Variants in NTNG2 observed in about 807,000 individuals in gnomAD.
The protein encoded by NTNG2 is netrin G2.
In NTNG2, 15 loss-of-function variants were observed where a neutral mutation model predicts 47.6. The observed-to-expected ratio is 0.32, with a 90% CI of 0.21 to 0.49. The LOEUF is 0.49. NTNG2 is among the 20% of genes least tolerant of loss of function. NTNG2 has a pLI of 0.99. For missense variants in NTNG2, 578 were observed against 764.6 expected (o/e 0.76, Z 2.88); for synonymous variants, 307 against 324.6 (o/e 0.95, Z 0.58).
chr9:132,167,220 C>A (rs1275190329), intron 2 of NTNG2, among the ~76,000 whole-genome samples, 176 bp downstream of exon 2: 3 of 152,196 alleles, frequency 2.0e-5, no homozygotes, highest in African/African-American at 7.2e-5. Flanking sequence ...GGAAATGTGT[C>A]AAAACAGAGG....
At chr9:132,212,443 A>T (rs1187283596) in intron 3 of NTNG2, among the ~76,000 whole-genome samples, 2 of 152,162 alleles carry the variant, frequency 1.3e-5, no homozygotes, top group Non-Finnish European at 2.9e-5. Context: ...TTAATAGAAA[A>T]GGGCTTCGCA....
intron 3 of NTNG2, among the ~76,000 whole-genome samples, chr9:132,222,762 T>A (rs1840435526): frequency 1.3e-5 from 2 of 152,194 alleles, no homozygotes; most frequent in Non-Finnish European, 2.9e-5. Flanking sequence ...AGAAACTCAC[T>A]GCCTTCTCCA....
chr9:132,162,457 C>T lies in NTNG2; in HGVS notation c.-484+218C>T, dbSNP rs1370517790. 1.3e-5 allele frequency among the ~76,000 whole-genome samples: 2 copies of T among 151,910 alleles called. No homozygotes were observed. Among genetic ancestry groups the T allele is most frequent in the Non-Finnish European group, 1.5e-5 (1 of 67,980 alleles). ...CGCCCCAGAGGGGTGTGTGAGGGTGCGTTCTTAGCAGCATCTTAAAGGGGT... is the reference window on the plus strand; with the variant it reads ...CGCCCCAGAGGGGTGTGTGAGGGTGTGTTCTTAGCAGCATCTTAAAGGGGT... On this transcript the variant is annotated intron_variant, in intron 1 of 7. Coordinates refer to ENST00000393229, the MANE Select transcript of NTNG2 (RefSeq NM_032536.4). The surrounding 1 kb of genome is among the most constrained non-coding windows in gnomAD (Gnocchi z 4.6).
chr9:132,209,820 T>C (rs1236849841), intron 3 of NTNG2, among the ~76,000 whole-genome samples: 1 of 129,916 alleles, frequency 7.7e-6, no homozygotes, highest in Non-Finnish European at 1.6e-5. Flanking sequence ...GCTGGGGGAA[T>C]GGGGAGGGGA....
intron 3 of NTNG2, among the ~76,000 whole-genome samples, chr9:132,211,571 C>T (rs183602828): frequency 2.2e-4 from 33 of 152,224 alleles, no homozygotes; most frequent in Admixed American, 7.8e-4. Context: ...CTGGGTCTCT[C>T]GGGCTGGCCT....
At chr9:132,172,284 G>T (rs1835987073) in intron 2 of NTNG2, among the ~76,000 whole-genome samples, 2 of 152,200 alleles carry the variant, frequency 1.3e-5, no homozygotes, top group Admixed American at 1.3e-4. Flanking sequence ...GCCCAGTGGG[G>T]TGAGGAGGCC....
intron 2 of NTNG2, among the ~76,000 whole-genome samples, chr9:132,169,813 T>C (rs1277974810): frequency 6.6e-6 from 1 of 152,266 alleles, no homozygotes; most frequent in Non-Finnish European, 1.5e-5. Flanking sequence ...GTTGTGATTA[T>C]GGCCTCGGTG....
chr9:132,212,613 C>G (rs1322433038), intron 3 of NTNG2, among the ~76,000 whole-genome samples: 1 of 152,086 alleles, frequency 6.6e-6, no homozygotes, highest in Non-Finnish European at 1.5e-5. Context: ...CCCCACGGCT[C>G]TGTTGTTGGT....
rs1397045541 is a variant in NTNG2, at chr9:132,198,041, G to A, written c.289G>A (p.Asp97Asn). 2 of 1,613,656 alleles carry A rather than the reference G, an allele frequency of 1.2e-6. No individual in the cohort carries two copies. Among genetic ancestry groups the A allele is most frequent in the Non-Finnish European group, 8.5e-7 (1 of 1,179,994 alleles). Reference sequence around the variant, plus strand: ...GGCCCACCCGCCCAGGCTCATGTTCGACAAGGAGGAGGAGGGCCTGGCCAC... The same window carrying A: ...GGCCCACCCGCCCAGGCTCATGTTCAACAAGGAGGAGGAGGGCCTGGCCAC... ...DLAHPPRLMF[D>N]KEEEGLATYW... Residue 97 changes from aspartate to asparagine, a missense_variant, in exon 3 of 8, where the codon GAC becomes AAC. Transcript: ENST00000393229.
chr9:132,201,114 C>T (rs970944941), intron 3 of NTNG2, among the ~76,000 whole-genome samples: 1 of 152,220 alleles, frequency 6.6e-6, no homozygotes, highest in African/African-American at 2.4e-5. Flanking sequence ...CATGTGGGGC[C>T]CTCATGTCTG....
At chr9:132,194,560 G>A (rs1169044973) in intron 2 of NTNG2, among the ~76,000 whole-genome samples, 1 of 152,178 alleles carries the variant, frequency 6.6e-6, no homozygotes, top group East Asian at 1.9e-4. Context: ...CCAGTGGTGT[G>A]GATATCTCTG....
At chr9:132,181,736 G>A (rs1015217714) in intron 2 of NTNG2, among the ~76,000 whole-genome samples, 1 of 152,224 alleles carries the variant, frequency 6.6e-6, no homozygotes, top group African/African-American at 2.4e-5. Flanking sequence ...TCTCACAGAA[G>A]TCTTAAGGTA....
In NTNG2 at chr9:132,208,325, G is replaced by C. The variant is rs1024432075; in HGVS notation, c.857+9716G>C. On this transcript the variant is annotated intron_variant, in intron 3 of 7. Transcript: ENST00000393229. The surrounding 1 kb of genome is among the most constrained non-coding windows in gnomAD (Gnocchi z 4.0). ...TGGGTGAGTAAGATTCCAAAGAAGA[G>C]CAGGCAGGGCCAGATCACGCCAGCC... Among the ~76,000 whole-genome samples, 24 of 152,166 alleles carry C rather than the reference G, an allele frequency of 1.6e-4. No homozygotes were observed. The highest frequency in any genetic ancestry group is 3.4e-4 in the Non-Finnish European group (23 of 68,024).
Position 132,165,621 on chromosome 9 carries a change from G to A in NTNG2, c.-483-728G>A, listed in dbSNP as rs948847915. Among the ~76,000 whole-genome samples the A allele has an allele frequency of 5.3e-5, 8 of 152,320 alleles. 1 individual carries two copies. Among genetic ancestry groups the A allele is most frequent in the Middle Eastern group, 3.4e-3 (1 of 294 alleles). On this transcript the variant is annotated intron_variant, in intron 1 of 7. Transcript: ENST00000393229. The stretch of plus-strand genomic sequence containing the variant: ...TCTGTTCATCTGTACATATAGGTAT[G>A]GGTCCATCTGCACCTATAGTTACAT...
At chr9:132,232,271 C>T (rs558384160) in intron 5 of NTNG2, 3 of 152,542 alleles carry the variant, frequency 2.0e-5, no homozygotes, top group Non-Finnish European at 2.9e-5. Flanking sequence ...AGCAGCACAC[C>T]GGTGGGATGG....
At position 132,166,721 on chromosome 9, in the gene NTNG2, A is replaced by G; in HGVS notation, c.-111A>G. ...CTCGGGTCCCTGGGACACCCCGGCC[A>G]CCCTCGCCTGGTAGATGTGGCATTT... is the stretch of plus-strand genomic sequence containing the variant. On this transcript the variant is annotated 5_prime_UTR_variant, in exon 2 of 8. Transcript: ENST00000393229. The G allele has an allele frequency of 2.0e-6, 2 of 1,014,894 alleles. No individual in the cohort carries two copies. The highest frequency in any genetic ancestry group is 2.4e-5 in the East Asian group (1 of 41,700). 62.9% of individuals were successfully genotyped at this position (1,014,894 alleles called of 1,614,324 possible).
At chr9:132,165,411 G>A (rs1835443222) in intron 1 of NTNG2, among the ~76,000 whole-genome samples, 1 of 152,140 alleles carries the variant, frequency 6.6e-6, no homozygotes, top group Admixed American at 6.5e-5. Context: ...AGAATGATTT[G>A]CAAAATGCTG....
intron 1 of NTNG2, among the ~76,000 whole-genome samples, chr9:132,164,873 C>A (rs1835391263): frequency 6.6e-6 from 1 of 152,218 alleles, no homozygotes; most frequent in Admixed American, 6.5e-5. Flanking sequence ...CTGCTCCGAG[C>A]CTGAGGTGCT....
Position 132,163,584 on chromosome 9 carries a change from C to CG in NTNG2, c.-484+1346dup, listed in dbSNP as rs1327866176. Among the ~76,000 whole-genome samples the CG allele has an allele frequency of 5.3e-5, 8 of 152,126 alleles. No individual in the cohort carries two copies. The highest frequency in any genetic ancestry group is 1.0e-4 in the Non-Finnish European group (7 of 67,992). On this transcript the variant is annotated intron_variant, in intron 1 of 7. Coordinates refer to ENST00000393229, the MANE Select transcript of NTNG2 (RefSeq NM_032536.4). The surrounding 1 kb of genome is among the most constrained non-coding windows in gnomAD (Gnocchi z 7.2). ...GAAAGCAGATTTCACCCCCCTCTGC[C>CG]GCCCCTGCCGAGGAGGGAGAGGGAA...
Sources: allele counts gnomAD v4.1 joint callset (sites outside exome capture counted in the v4.1 genomes callset), GRCh38; gene constraint gnomAD v4.1.1; non-coding constraint Gnocchi (gnomAD v3.1); transcripts MANE v1.5; gene names NCBI Gene and HGNC (gene_info 2026-07-23, HGNC 2026-07-21).